GLIS3: variants seen among roughly 807,000 people sequenced by gnomAD.
GLIS3 encodes GLIS family zinc finger 3.
A neutral mutation model predicts 78.6 loss-of-function variants in GLIS3; 53 were observed. The ratio of observed to expected loss-of-function variants is 0.67; its 90% CI spans 0.54 to 0.85. GLIS3 has a LOEUF of 0.85. Ranked by LOEUF, GLIS3 falls within the 40% of genes least tolerant of loss-of-function variation. The pLI, the probability that GLIS3 is intolerant of heterozygous loss-of-function variation, is 0.00. For missense variants in GLIS3, 1,703 were observed against 1,231.1 expected, an observed-to-expected ratio of 1.38 and a Z score of -5.74; for synonymous variants, 684 against 509.9, an observed-to-expected ratio of 1.34 and a Z score of -4.60.
chr9:4,403,387 T>C, the GLIS3 span, among the ~76,000 whole-genome samples: 37 of 152,136 alleles, frequency 2.4e-4, no homozygotes, highest in Non-Finnish European at 4.0e-4. Context: ...TCACTGGTAA[T>C]AGTAAGCACA....
intron 2 of GLIS3, among the ~76,000 whole-genome samples, chr9:4,342,333 T>C (rs777309850): frequency 2.6e-5 from 4 of 152,202 alleles, no homozygotes; most frequent in African/African-American, 4.8e-5. Flanking sequence ...CCCAGCACCA[T>C]TTATGGCCTG....
chr9:4,164,513 T>C (rs1370820402), intron 2 of GLIS3, among the ~76,000 whole-genome samples: 1 of 152,192 alleles, frequency 6.6e-6, no homozygotes, highest in Non-Finnish European at 1.5e-5. Flanking sequence ...GAGGTAGGAT[T>C]AACTCGACTG....
At chr9:4,020,299 T>G (rs576815863) in intron 4 of GLIS3, among the ~76,000 whole-genome samples, 1 of 152,172 alleles carries the variant, frequency 6.6e-6, no homozygotes, top group Admixed American at 6.5e-5. Flanking sequence ...TTTGTTTTGT[T>G]TTTTTTGTTT....
intron 3 of GLIS3, among the ~76,000 whole-genome samples, chr9:4,120,008 C>T (rs1341810761): frequency 6.6e-6 from 1 of 152,262 alleles, no homozygotes; most frequent in South Asian, 2.1e-4. Flanking sequence ...ATCAGAAGAA[C>T]CTGGCTTATT....
chr9:3,966,745 G>C (rs571624010), intron 4 of GLIS3, among the ~76,000 whole-genome samples: 1 of 150,838 alleles, frequency 6.6e-6, no homozygotes, highest in African/African-American at 2.4e-5. Context: ...CTGAGATCGC[G>C]CCACTGCACT....
At chr9:4,262,425 G>A (rs1825615253) in intron 2 of GLIS3, among the ~76,000 whole-genome samples, 1 of 152,072 alleles carries the variant, frequency 6.6e-6, no homozygotes, top group Admixed American at 6.6e-5. Flanking sequence ...AGCGGGATGG[G>A]GGCCCAAGAG....
intron 4 of GLIS3, among the ~76,000 whole-genome samples, chr9:3,973,899 G>T (rs2130932779): frequency 6.6e-6 from 1 of 152,212 alleles, no homozygotes; most frequent in East Asian, 1.9e-4. Flanking sequence ...TAATGTTGCT[G>T]CTGAAAGCTA....
At chr9:4,470,719 C>A in the GLIS3 span, among the ~76,000 whole-genome samples, 2 of 151,946 alleles carry the variant, frequency 1.3e-5, no homozygotes, top group African/African-American at 4.8e-5. Context: ...TCTCTCACCA[C>A]TCCTATTCAA....
At chr9:3,991,388 A>T (rs1820221040) in intron 4 of GLIS3, among the ~76,000 whole-genome samples, 1 of 152,212 alleles carries the variant, frequency 6.6e-6, no homozygotes, top group Non-Finnish European at 1.5e-5. Context: ...CTGAAGAGAC[A>T]TTAAGTACAA....
intron 4 of GLIS3, among the ~76,000 whole-genome samples, chr9:4,038,722 C>T (rs946856): frequency 6.6e-6 from 1 of 152,126 alleles, no homozygotes; most frequent in African/African-American, 2.4e-5. Flanking sequence ...CAGCTCTCCA[C>T]TATTCTTTTT....
chr9:4,351,247 G>GAAAC (rs768909052), upstream of GLIS3, among the ~76,000 whole-genome samples: 26 of 151,888 alleles, frequency 1.7e-4, no homozygotes, highest in Non-Finnish European at 2.6e-4. Context: ...TGTCTCAAAA[G>GAAAC]AAACAAACAA....
intron 2 of GLIS3, among the ~76,000 whole-genome samples, chr9:4,156,893 T>C (rs1381875547): frequency 6.6e-6 from 1 of 152,152 alleles, no homozygotes; most frequent in Non-Finnish European, 1.5e-5. Flanking sequence ...ACCAACAGCA[T>C]CAGCATCATC....
At chr9:4,378,192 A>G in the GLIS3 span, among the ~76,000 whole-genome samples, 2 of 152,190 alleles carry the variant, frequency 1.3e-5, no homozygotes, top group African/African-American at 2.4e-5. Flanking sequence ...AGCATTTACT[A>G]TGTGCCAGAT....
chr9:4,382,970 T>C, the GLIS3 span, among the ~76,000 whole-genome samples: 1 of 152,196 alleles, frequency 6.6e-6, no homozygotes, highest in Admixed American at 6.5e-5. Flanking sequence ...GATTCACCGA[T>C]TCTGTGCTTG....
chr9:4,434,052 C>T, the GLIS3 span, among the ~76,000 whole-genome samples: 44 of 148,862 alleles, frequency 3.0e-4, no homozygotes, highest in South Asian at 1.5e-3. Context: ...GCCGAGATTG[C>T]GCCACCACAC....
chr9:3,832,526 T>C lies in GLIS3; in HGVS notation c.2474-3034A>G, dbSNP rs146529474. Among the ~76,000 whole-genome samples the C allele has an allele frequency of 2.3e-3, 353 of 152,228 alleles. 2 individuals carry two copies. Among genetic ancestry groups the C allele is most frequent in the African/African-American group, 8.0e-3 (332 of 41,548 alleles). On this transcript the variant is annotated intron_variant, in intron 9 of 10. Coordinates refer to ENST00000381971, the MANE Select transcript of GLIS3 (RefSeq NM_001042413.2). Reference sequence around the variant, plus strand: ...CAGACTAATTTCTTCATTTACCCTATTGGGGGCTCCAAACAGCAACATGTC... The same window carrying C: ...CAGACTAATTTCTTCATTTACCCTACTGGGGGCTCCAAACAGCAACATGTC...
At chr9:4,188,499 T>C (rs558905510) in intron 2 of GLIS3, among the ~76,000 whole-genome samples, 3 of 150,934 alleles carry the variant, frequency 2.0e-5, no homozygotes, top group African/African-American at 4.9e-5. Context: ...ATCAGGATGA[T>C]GCTGGCCTCA....
chr9:4,167,474 G>A (rs915312773), intron 2 of GLIS3, among the ~76,000 whole-genome samples: 1 of 152,194 alleles, frequency 6.6e-6, no homozygotes, highest in Non-Finnish European at 1.5e-5. Context: ...CACTCTGTGA[G>A]TCTAGCAGGC....
At chr9:4,167,799 G>C (rs75973741) in intron 2 of GLIS3, among the ~76,000 whole-genome samples, 5,534 of 152,238 alleles carry the variant, frequency 0.036, 128 homozygotes, top group Middle Eastern at 0.095. Context: ...TTCTAACAGA[G>C]GGACTGACTG....
Sources: gnomAD v4.1 joint callset for allele counts (sites outside exome capture counted in the v4.1 genomes callset) on GRCh38, gnomAD v4.1.1 for gene constraint, MANE v1.5 for transcripts, NCBI Gene and HGNC (gene_info 2026-07-23, HGNC 2026-07-21) for gene names.